Variants in CACNA2D2 observed in about 807,000 individuals in gnomAD.
CACNA2D2 encodes the protein voltage-dependent calcium channel subunit alpha-2/delta-2.
CACNA2D2 carries 48 observed loss-of-function variants against 166.4 expected under a neutral mutation model. The ratio of observed to expected loss-of-function variants is 0.29; its 90% CI spans 0.23 to 0.37. The LOEUF (loss-of-function observed/expected upper bound fraction) is 0.37. CACNA2D2 is among the 10% of genes least tolerant of loss of function. The probability of loss-of-function intolerance (pLI) is 1.00; values close to 1 mark genes in which losing one functional copy is unlikely to be tolerated. For synonymous variants in CACNA2D2, 561 were observed against 573.7 expected (o/e 0.98, Z 0.32); for missense variants, 1,122 against 1,433.0 (o/e 0.78, Z 3.50).
chr3:50,410,497 T>C (rs944519527), intron 3 of CACNA2D2, among the ~76,000 whole-genome samples: 4 of 149,964 alleles, frequency 2.7e-5, no homozygotes, highest in African/African-American at 1.0e-4. Flanking sequence ...GGGGGTGTTG[T>C]CTTTGTGCCC....
chr3:50,404,420 G>A (rs1254081950), intron 3 of CACNA2D2, among the ~76,000 whole-genome samples: 1 of 152,140 alleles, frequency 6.6e-6, no homozygotes, highest in Non-Finnish European at 1.5e-5. Flanking sequence ...AGTCCCCGGG[G>A]CTCTGCTGGA....
intron 2 of CACNA2D2, among the ~76,000 whole-genome samples, chr3:50,448,041 GCCTT>G (rs1200469602): frequency 4.6e-5 from 7 of 152,116 alleles, no homozygotes; most frequent in African/African-American, 1.7e-4. Flanking sequence ...CTCCCCCAGG[GCCTT>G]GAGCCCTCTG....
intron 2 of CACNA2D2, among the ~76,000 whole-genome samples, chr3:50,468,380 AGTGTGTGTGTGTGTGTGT>A (rs3220659): frequency 1.0e-3 from 85 of 83,174 alleles, no homozygotes; most frequent in South Asian, 3.6e-3. Flanking sequence ...TCATCAGAAT[AGTGTGTGTGTGTGTGTGT>A]GTGTGTGTGT....
intron 2 of CACNA2D2, among the ~76,000 whole-genome samples, chr3:50,441,612 C>T (rs933378248): frequency 2.6e-5 from 4 of 152,274 alleles, no homozygotes; most frequent in African/African-American, 9.6e-5. Flanking sequence ...CAAGGCACCA[C>T]CCACCAGAGA....
Position 50,383,349 on chromosome 3 carries a change from C to G in CACNA2D2, c.652+847G>C, listed in dbSNP as rs113878331. On this transcript the variant is annotated intron_variant, in intron 6 of 37. Coordinates refer to ENST00000424201, the MANE Select transcript of CACNA2D2 (RefSeq NM_006030.4). ...GCATTATGGAGCTGAGGCAGTGGCT[C>G]TGGGGCTTTTGAGTCCCAGCCCAGT... Among the ~76,000 whole-genome samples the G allele has an allele frequency of 4.6e-5, 7 of 152,246 alleles. 1 individual carries two copies. The highest frequency in any genetic ancestry group is 1.7e-4 in the African/African-American group (7 of 41,550).
intron 2 of CACNA2D2, among the ~76,000 whole-genome samples, chr3:50,441,885 G>A (rs557673475): frequency 7.2e-5 from 11 of 152,298 alleles, no homozygotes; most frequent in Admixed American, 5.9e-4. Context: ...GCTCGGAAGT[G>A]GGAGGAACTT....
At chr3:50,439,350 C>T (rs935509001) in intron 2 of CACNA2D2, among the ~76,000 whole-genome samples, 1 of 152,244 alleles carries the variant, frequency 6.6e-6, no homozygotes, top group Admixed American at 6.5e-5. Flanking sequence ...GCACGCAAGG[C>T]TCCTCTCCGC....
At chr3:50,502,958 G>A (rs951011006) in intron 1 of CACNA2D2, among the ~76,000 whole-genome samples, 2 of 152,224 alleles carry the variant, frequency 1.3e-5, no homozygotes, top group Non-Finnish European at 2.9e-5. Context: ...CTCCTCCCGG[G>A]GCTTGAAGAT....
At chr3:50,502,773 C>T (rs1401730364) in intron 1 of CACNA2D2, among the ~76,000 whole-genome samples, 1 of 152,270 alleles carries the variant, frequency 6.6e-6, no homozygotes, top group African/African-American at 2.4e-5. Context: ...AGATGTCCCT[C>T]ACCTCTGGCT....
chr3:50,452,452 T>A (rs1709146110), intron 2 of CACNA2D2, among the ~76,000 whole-genome samples: 1 of 152,198 alleles, frequency 6.6e-6, no homozygotes. Context: ...AACCTCTCCA[T>A]GGAGGCAGGG....
chr3:50,367,812 G>C lies in CACNA2D2; in HGVS notation c.2234C>G (p.Thr745Arg), dbSNP rs745793280. The change falls in exon 25 of 38, where the codon ACG (threonine) becomes AGG (arginine). Residue 745 changes from threonine to arginine, a missense_variant and splice_region_variant. Around this residue, in one of 2 missense-constraint regions of CACNA2D2, gnomAD observed 840 missense variants for 1,166.8 expected, o/e 0.72. Coordinates refer to ENST00000424201, the MANE Select transcript of CACNA2D2 (RefSeq NM_006030.4). This position sits in a 1 kb window ranked among gnomAD's most constrained non-coding sequence, Gnocchi z 6.5. ...ERVWRDQDLNTYSLLAVFAAT... is the reference protein window; with the variant it reads ...ERVWRDQDLNRYSLLAVFAAT... ...CCCCCACAGGCTGGGTGATGCCTAC[G>C]TGTTGAGATCCTGGTCCCTCCACAC... 3 of 1,608,482 alleles carry C rather than the reference G, an allele frequency of 1.9e-6. No homozygotes were observed. Among genetic ancestry groups the C allele is most frequent in the East Asian group, 4.5e-5 (2 of 44,562 alleles).
intron 23 of CACNA2D2, among the ~76,000 whole-genome samples, chr3:50,370,005 CACAG>C (rs992318964): frequency 5.9e-5 from 9 of 152,214 alleles, no homozygotes; most frequent in Non-Finnish European, 1.3e-4. Flanking sequence ...GTGGGCATGC[CACAG>C]ACAGCCACCC....
At chr3:50,408,613 G>C (rs1706836669) in intron 3 of CACNA2D2, among the ~76,000 whole-genome samples, 1 of 152,266 alleles carries the variant, frequency 6.6e-6, no homozygotes, top group Non-Finnish European at 1.5e-5. Context: ...CGGCCAGTGG[G>C]ACAGCTGGAG....
intron 2 of CACNA2D2, among the ~76,000 whole-genome samples, chr3:50,464,997 G>C (rs1466319355): frequency 3.9e-5 from 6 of 152,248 alleles, no homozygotes; most frequent in Admixed American, 3.9e-4. Flanking sequence ...GCACATGGGA[G>C]GAAATTTCCA....
In CACNA2D2 at chr3:50,377,470, G is replaced by A. The variant is rs1188525793; in HGVS notation, c.1623C>T (p.Tyr541=). The A allele has an allele frequency of 1.2e-6, 2 of 1,612,272 alleles. No homozygotes were observed. The highest frequency in any genetic ancestry group is 1.7e-6 in the Non-Finnish European group (2 of 1,179,286). The change falls in exon 17 of 38, where the codon TAC becomes TAT. Residue 541 remains tyrosine, a synonymous_variant. Transcript: ENST00000424201. ...LNDIKRLTPN[Y]TLGANGYVFA... ...GGATGGGCAGGGGGATGCTCACCGT[G>A]TAGTTGGGGGTCAGCCTCTTGATGT...
chr3:50,435,589 G>A (rs1033193203), intron 2 of CACNA2D2, among the ~76,000 whole-genome samples: 1 of 149,580 alleles, frequency 6.7e-6, no homozygotes, highest in Non-Finnish European at 1.5e-5. Context: ...AGATAAGGTC[G>A]GTAGAGTGAC....
At chr3:50,476,055 G>A in intron 2 of CACNA2D2, 63 bp downstream of exon 2, 1 of 1,388,158 alleles carries the variant, frequency 7.2e-7, no homozygotes, top group Non-Finnish European at 1.0e-6. Context: ...CCTTATTTCT[G>A]AAGCTTTTCC....
At chr3:50,498,376 G>A (rs1446509218) in intron 1 of CACNA2D2, among the ~76,000 whole-genome samples, 1 of 152,080 alleles carries the variant, frequency 6.6e-6, no homozygotes, top group Non-Finnish European at 1.5e-5. Context: ...GGGACTAAAG[G>A]AGCCAGCCTC....
intron 1 of CACNA2D2, among the ~76,000 whole-genome samples, chr3:50,502,507 G>T (rs753535946): frequency 2.0e-5 from 3 of 152,266 alleles, no homozygotes; most frequent in Non-Finnish European, 4.4e-5. Flanking sequence ...GCGGAGGCTG[G>T]CAGAGCCAGG....
Sources: gnomAD v4.1 joint callset for allele counts (sites outside exome capture counted in the v4.1 genomes callset) on GRCh38, gnomAD v4.1.1 for gene constraint, gnomAD v4.1.1 regional missense constraint, Gnocchi (gnomAD v3.1) non-coding constraint, MANE v1.5 for transcripts, NCBI Gene and HGNC (gene_info 2026-07-23, HGNC 2026-07-21) for gene names.